PTPRS: variants seen among roughly 807,000 people sequenced by gnomAD.
PTPRS encodes protein tyrosine phosphatase receptor type S, also known as receptor-type tyrosine-protein phosphatase S.
Under a neutral mutation model 215.3 loss-of-function variants are expected in PTPRS, and 63 were observed. The observed-to-expected ratio is 0.29, with a 90% CI of 0.24 to 0.36. The LOEUF (loss-of-function observed/expected upper bound fraction) is 0.36, where lower values mean the gene tolerates loss of function less well. Among genes scored for constraint, PTPRS ranks in the 10% least tolerant of loss-of-function variants. The pLI is 1.00. For synonymous variants in PTPRS, 1,404 were observed against 1,191.4 expected (o/e 1.18, Z -3.68); for missense variants, 2,258 against 2,825.8 (o/e 0.80, Z 4.56).
rs199585880 is a variant in PTPRS at position 5,216,725 on chromosome 19, A to G, written c.4091T>C (p.Phe1364Ser). ...RSPLREPGFH[F>S]ESMLSHPPIP... ...AAACAGACACAAGAACTAACTTTCA[A>G]AGTGAAACCCCGGCTCCCTGAGGGG... is the stretch of plus-strand genomic sequence containing the variant. The change falls in exon 26 of 38, where the codon TTT becomes TCT. Residue 1364 changes from phenylalanine (F) to serine (S), a missense_variant. Physicochemically the swap from Phe to Ser is radical, Grantham distance 155. Coordinates refer to ENST00000262963, the MANE Select transcript of PTPRS (RefSeq NM_002850.4). The G allele has an allele frequency of 7.3e-5, 114 of 1,571,486 alleles. No homozygotes were observed. The African/African-American group carries it at 1.4e-3, about 19-fold the overall frequency.
rs749988275 is a variant in PTPRS, at chr19:5,265,111, G to C, written c.465C>G (p.Leu155=). 9 of 1,614,212 alleles carry C rather than the reference G, an allele frequency of 5.6e-6. No homozygotes were observed. The highest frequency in any genetic ancestry group is 7.6e-6 in the Non-Finnish European group (9 of 1,180,040). The change falls in exon 5 of 38, where the codon CTC becomes CTG. Residue 155 remains leucine (L), a synonymous_variant. Transcript: ENST00000262963. ...GGTCAGGGTTGCCGCTGGCTGCACA[G>C]AGCATGGTGGCTGTCCGTGTCCGCT... ...VVERTRTATM[L]CAASGNPDPE...
chr19:5,294,953 G>A lies in PTPRS; in HGVS notation c.-94-8719C>T, dbSNP rs556932487. 1.3e-5 allele frequency among the ~76,000 whole-genome samples: 2 copies of A among 152,322 alleles called. No homozygotes were observed. The highest frequency in any genetic ancestry group is 3.9e-4 in the East Asian group (2 of 5,188). Reference sequence around the variant, plus strand: ...GGTGCTTCATGGAGGAGGCTGCCTGGTGCCCCAGCATCACCAAAGGCACAC... The same window carrying A: ...GGTGCTTCATGGAGGAGGCTGCCTGATGCCCCAGCATCACCAAAGGCACAC... On this transcript the variant is annotated intron_variant, in intron 1 of 37. Coordinates refer to ENST00000262963, the MANE Select transcript of PTPRS (RefSeq NM_002850.4). The surrounding 1 kb of genome is among the most constrained non-coding windows in gnomAD (Gnocchi z 5.1).
chr19:5,260,006 A>C (rs2045861125), intron 7 of PTPRS, among the ~76,000 whole-genome samples: 1 of 152,084 alleles, frequency 6.6e-6, no homozygotes, highest in Admixed American at 6.6e-5. Context: ...ATTCTTCCCC[A>C]GGTTCCCACT....
chr19:5,260,925 A>G lies in PTPRS; in HGVS notation c.578-103T>C, dbSNP rs2045945588. Reference sequence around the variant, plus strand: ...GCTGGGCCGTAAGCCAGGCCTCAGCACTCTGCCCCAGGGAGGGGATCGAGC... The same window carrying G: ...GCTGGGCCGTAAGCCAGGCCTCAGCGCTCTGCCCCAGGGAGGGGATCGAGC... On this transcript the variant is annotated intron_variant, in intron 6 of 37. Coordinates refer to ENST00000262963, the MANE Select transcript of PTPRS (RefSeq NM_002850.4). The G allele has an allele frequency of 1.6e-5, 22 of 1,340,044 alleles. No homozygotes were observed. The South Asian group carries it at 2.7e-4, about 17-fold the overall frequency. 83.0% of individuals were successfully genotyped at this position (1,340,044 alleles called of 1,614,324 possible).
intron 2 of PTPRS, among the ~76,000 whole-genome samples, chr19:5,276,094 C>G (rs2047335728): frequency 6.6e-6 from 1 of 152,256 alleles, no homozygotes; most frequent in South Asian, 2.1e-4. Flanking sequence ...CATGCACAGC[C>G]AGGCGGTGGC....
chr19:5,220,383 G>A (rs767914806), intron 20 of PTPRS, 30 bp from the exon 21 acceptor site: 4 of 1,570,394 alleles, frequency 2.5e-6, no homozygotes, highest in South Asian at 2.2e-5. Context: ...AGTCAGAGGG[G>A]CTGTCGATAG....
intron 9 of PTPRS, among the ~76,000 whole-genome samples, chr19:5,248,614 C>T (rs574522538): frequency 1.3e-5 from 2 of 152,338 alleles, no homozygotes; most frequent in South Asian, 4.1e-4. Context: ...ACTCAAGTCT[C>T]TCTCTCTAAA....
At chr19:5,267,685 G>A (rs1353195607) in intron 4 of PTPRS, among the ~76,000 whole-genome samples, 1 of 149,030 alleles carries the variant, frequency 6.7e-6, no homozygotes, top group Admixed American at 6.7e-5. Flanking sequence ...TTAGGAAACA[G>A]CCACGTAGGG....
At chr19:5,330,972 G>A (rs1439874807) in intron 1 of PTPRS, among the ~76,000 whole-genome samples, 1 of 151,054 alleles carries the variant, frequency 6.6e-6, no homozygotes, top group Non-Finnish European at 1.5e-5. Flanking sequence ...AGTGGAACCA[G>A]GACAGATGTG....
intron 5 of PTPRS, among the ~76,000 whole-genome samples, chr19:5,263,510 G>T (rs2046175207): frequency 1.3e-5 from 2 of 152,152 alleles, no homozygotes; most frequent in African/African-American, 4.8e-5. Context: ...CTCCGTGGCG[G>T]GATCCTCGGA....
intron 33 of PTPRS, among the ~76,000 whole-genome samples, chr19:5,211,267 A>T (rs1006822296): frequency 2.0e-4 from 31 of 152,158 alleles, no homozygotes; most frequent in Non-Finnish European, 7.4e-5. Flanking sequence ...TAGGATGCTG[A>T]GCAGCATGCC....
rs1338363031 is a variant in PTPRS, at chr19:5,281,345, C to T, written c.91+4705G>A. 2.0e-5 allele frequency among the ~76,000 whole-genome samples: 3 copies of T among 152,200 alleles called. No individual in the cohort carries two copies. In the East Asian group the frequency reaches 5.9e-4, roughly 30 times the overall value. On this transcript the variant is annotated intron_variant, in intron 2 of 37. Coordinates refer to ENST00000262963, the MANE Select transcript of PTPRS (RefSeq NM_002850.4). Reference sequence around the variant, plus strand: ...GCATGGTGGCGCATGCCTGTAATCCCAGCTACTCGGGAGGCTGAGGCAGGA... The same window carrying T: ...GCATGGTGGCGCATGCCTGTAATCCTAGCTACTCGGGAGGCTGAGGCAGGA...
chr19:5,222,254 GAA>G, intron 18 of PTPRS, 34 bp from the exon 19 acceptor site: 1 of 1,565,836 alleles, frequency 6.4e-7, no homozygotes, highest in Non-Finnish European at 8.8e-7. Context: ...GGAGAGAGCA[GAA>G]GAGAGGCCCC....
intron 19 of PTPRS, 151 bp downstream of exon 19, chr19:5,221,972 G>C: frequency 1.5e-6 from 1 of 646,156 alleles, no homozygotes; most frequent in South Asian, 1.8e-5. Flanking sequence ...CTGATTCCCA[G>C]TATTGACTAA....
intron 2 of PTPRS, among the ~76,000 whole-genome samples, chr19:5,285,217 G>A (rs1055317957): frequency 1.3e-5 from 2 of 152,166 alleles, no homozygotes; most frequent in African/African-American, 4.8e-5. Context: ...GCAGCAGGTT[G>A]GCAGCAGAGC....
intron 4 of PTPRS, among the ~76,000 whole-genome samples, chr19:5,269,448 G>C (rs147525239): frequency 4.6e-5 from 7 of 152,198 alleles, no homozygotes; most frequent in African/African-American, 1.7e-4. Flanking sequence ...GGCAGGGAGT[G>C]GCCCTGGCAG....
chr19:5,220,505 A>G, intron 20 of PTPRS, 152 bp from the exon 21 acceptor site: 1 of 690,264 alleles, frequency 1.4e-6, no homozygotes, highest in South Asian at 1.7e-5. Flanking sequence ...CAAACGCCAC[A>G]GTTGCTGACT....
intron 1 of PTPRS, among the ~76,000 whole-genome samples, chr19:5,329,290 A>G (rs1487149187): frequency 6.6e-6 from 1 of 151,984 alleles, no homozygotes; most frequent in East Asian, 1.9e-4. Context: ...GGTGCCATCC[A>G]GAGAGGGAAA....
chr19:5,288,367 A>T (rs1408984842), intron 1 of PTPRS, among the ~76,000 whole-genome samples: 1 of 152,186 alleles, frequency 6.6e-6, no homozygotes, highest in Non-Finnish European at 1.5e-5. Flanking sequence ...CTACACAGAC[A>T]TGCACACACA....
Sources: allele counts gnomAD v4.1 joint callset (sites outside exome capture counted in the v4.1 genomes callset), GRCh38; gene constraint gnomAD v4.1.1; non-coding constraint Gnocchi (gnomAD v3.1); transcripts MANE v1.5; gene names NCBI Gene and HGNC (gene_info 2026-07-23, HGNC 2026-07-21).